STAM: variants seen among roughly 807,000 people sequenced by gnomAD.
STAM encodes the protein signal transducing adaptor molecule, also known as signal transducing adapter molecule 1.
Under a neutral mutation model 63.4 loss-of-function variants are expected in STAM, and 16 were observed. The ratio of observed to expected loss-of-function variants is 0.25; its 90% confidence interval spans 0.17 to 0.38. The LOEUF is 0.38. Ranked by LOEUF, STAM falls within the 10% of genes least tolerant of loss-of-function variation. The probability of loss-of-function intolerance (pLI) is 1.00; values close to 1 mark genes in which losing one functional copy is unlikely to be tolerated. For synonymous variants in STAM, 238 were observed against 223.9 expected (o/e 1.06, Z -0.56); for missense variants, 636 against 657.1 (o/e 0.97, Z 0.35).
chr10:17,649,962 AGGC>A (rs1554821338), intron 1 of STAM, among the ~76,000 whole-genome samples: 3 of 152,174 alleles, frequency 2.0e-5, no homozygotes, highest in African/African-American at 7.2e-5. Context: ...GAAACCCAAG[AGGC>A]ATCTTTGAAT....
chr10:17,647,520 A>G (rs1320536232), intron 1 of STAM, among the ~76,000 whole-genome samples: 3 of 149,752 alleles, frequency 2.0e-5, no homozygotes, highest in Non-Finnish European at 3.0e-5. Flanking sequence ...TTTTTCCCTT[A>G]GAGTATTAGG....
chr10:17,671,871 T>C (rs1834653374), intron 2 of STAM, among the ~76,000 whole-genome samples: 1 of 152,190 alleles, frequency 6.6e-6, no homozygotes, highest in South Asian at 2.1e-4. Flanking sequence ...AAAAGTTGAT[T>C]GGTCTAAAAA....
intron 2 of STAM, among the ~76,000 whole-genome samples, chr10:17,668,450 A>G (rs1303443639): frequency 2.0e-5 from 3 of 152,206 alleles, no homozygotes; most frequent in Non-Finnish European, 4.4e-5. Flanking sequence ...CTATTAACTA[A>G]AGTCCATAGT....
intron 2 of STAM, among the ~76,000 whole-genome samples, chr10:17,662,595 A>T (rs1201865426): frequency 6.6e-6 from 1 of 152,214 alleles, no homozygotes; most frequent in Non-Finnish European, 1.5e-5. Flanking sequence ...GAAAGAAGCA[A>T]ATAGCTTAGT....
chr10:17,695,142 A>C lies in STAM; in HGVS notation c.629A>C (p.His210Pro). The change falls in exon 7 of 14, where the codon CAT (histidine) becomes CCT (proline). Residue 210 changes from histidine to proline, a missense_variant. Physicochemically the swap from His to Pro is moderately conservative, Grantham distance 77. Coordinates refer to ENST00000377524, the MANE Select transcript of STAM (RefSeq NM_003473.4). ...STSSLLTNHQ[H>P]EGRKVRAIYD... ...TCCAGTCTCTTAACTAACCACCAAC[A>C]TGAAGGCCGAAAAGTTCGTGCTATA... is the stretch of plus-strand genomic sequence containing the variant. The C allele has an allele frequency of 6.2e-7, 1 of 1,614,112 alleles. No homozygotes were observed. Among genetic ancestry groups the C allele is most frequent in the Non-Finnish European group, 8.5e-7 (1 of 1,179,996 alleles).
chr10:17,714,039 C>T (rs1469134050), intron 13 of STAM, among the ~76,000 whole-genome samples: 1 of 152,174 alleles, frequency 6.6e-6, no homozygotes, highest in Non-Finnish European at 1.5e-5. Flanking sequence ...TCCTCAAAGG[C>T]TTCTTTCTGT....
chr10:17,656,451 A>G (rs1249617560), intron 1 of STAM, among the ~76,000 whole-genome samples: 5 of 152,012 alleles, frequency 3.3e-5, no homozygotes, highest in Admixed American at 2.0e-4. Flanking sequence ...GCCATTGACT[A>G]TGGAATTCTG....
At chr10:17,645,101 A>G (rs541174797) in intron 1 of STAM, among the ~76,000 whole-genome samples, 75 of 152,342 alleles carry the variant, frequency 4.9e-4, no homozygotes, top group African/African-American at 1.8e-3. Flanking sequence ...ATGTCAATTC[A>G]ATAGGTTTGC....
intron 2 of STAM, among the ~76,000 whole-genome samples, chr10:17,676,682 T>TA (rs147436159): frequency 0.019 from 2,907 of 152,280 alleles, 29 homozygotes; most frequent in Middle Eastern, 0.027. Flanking sequence ...GTTCCTCTGT[T>TA]ATGTCCAGTT....
intron 8 of STAM, among the ~76,000 whole-genome samples, chr10:17,697,460 A>C (rs1413497453): frequency 1.3e-5 from 2 of 152,208 alleles, no homozygotes; most frequent in Non-Finnish European, 2.9e-5. Context: ...TCAGATATTC[A>C]GAAGGAGCCA....
chr10:17,710,551 T>C (rs1037094123), intron 13 of STAM, among the ~76,000 whole-genome samples: 1 of 152,264 alleles, frequency 6.6e-6, no homozygotes, highest in Non-Finnish European at 1.5e-5. Flanking sequence ...AGCTGCATTT[T>C]TACTGGGACA....
In STAM at chr10:17,652,247, T is replaced by TA. The variant is rs11313482; in HGVS notation, c.40+7878dup. ...TGTAGGTAGTTTATATCCTTCTGAT[T>TA]AAAAAAAAAATACTTGTTCTTTTAT... is the stretch of plus-strand genomic sequence containing the variant. On this transcript the variant is annotated intron_variant, in intron 1 of 13. Transcript: ENST00000377524. 7.9e-4 allele frequency among the ~76,000 whole-genome samples: 119 copies of TA among 150,278 alleles called. 1 individual carries two copies. The highest frequency in any genetic ancestry group is 2.4e-3 in the African/African-American group (97 of 41,054).
chr10:17,671,669 G>A (rs1179400685), intron 2 of STAM, among the ~76,000 whole-genome samples: 2 of 152,124 alleles, frequency 1.3e-5, no homozygotes, highest in South Asian at 2.1e-4. Flanking sequence ...GTCCTTGTAC[G>A]TTTTTAGTCT....
At chr10:17,714,312 A>ACCCC (rs376861625) in intron 13 of STAM, among the ~76,000 whole-genome samples, 31 of 149,910 alleles carry the variant, frequency 2.1e-4, no homozygotes, top group South Asian at 4.3e-4. Flanking sequence ...TCCGCAAACC[A>ACCCC]CCCCCCCCAA....
In STAM at chr10:17,649,270, G is replaced by A. The variant is rs116844444; in HGVS notation, c.40+4891G>A. On this transcript the variant is annotated intron_variant, in intron 1 of 13. Transcript: ENST00000377524. ...AATAAAAAAGTTAGCTGGCATGGTG[G>A]TATGCCTGTAGTCCCATTTACTCGG... Among the ~76,000 whole-genome samples, 6 of 152,020 alleles carry A rather than the reference G, an allele frequency of 3.9e-5. No homozygotes were observed. In the East Asian group the frequency reaches 1.2e-3, roughly 29 times the overall value.
At chr10:17,666,963 T>C (rs1554823471) in intron 2 of STAM, among the ~76,000 whole-genome samples, 3 of 152,212 alleles carry the variant, frequency 2.0e-5, no homozygotes, top group African/African-American at 7.2e-5. Flanking sequence ...TGACTACTTA[T>C]TGTTTGCTAG....
intron 1 of STAM, among the ~76,000 whole-genome samples, chr10:17,659,714 C>T (rs782454833): frequency 1.6e-4 from 24 of 151,970 alleles, no homozygotes; most frequent in Admixed American, 3.3e-4. Context: ...CCTCCCACCT[C>T]GGCCTCCCAA....
At chr10:17,661,044 C>T (rs1834147601) in intron 2 of STAM, among the ~76,000 whole-genome samples, 1 of 152,150 alleles carries the variant, frequency 6.6e-6, no homozygotes, top group Non-Finnish European at 1.5e-5. Context: ...AGATTTGCAA[C>T]ATTCCACCTA....
At chr10:17,673,740 C>A (rs1228832366) in intron 2 of STAM, among the ~76,000 whole-genome samples, 1 of 152,232 alleles carries the variant, frequency 6.6e-6, no homozygotes, top group Non-Finnish European at 1.5e-5. Flanking sequence ...GTGAAGAGCA[C>A]AGACTCTGGA....
Sources: gnomAD v4.1 joint callset for allele counts (sites outside exome capture counted in the v4.1 genomes callset) on GRCh38, gnomAD v4.1.1 for gene constraint, MANE v1.5 for transcripts, NCBI Gene and HGNC (gene_info 2026-07-23, HGNC 2026-07-21) for gene names.